Variants in PCDH9 observed in about 807,000 individuals in gnomAD.
The protein encoded by PCDH9 is protocadherin 9, also known as protocadherin-9.
A neutral mutation model predicts 70.6 loss-of-function variants in PCDH9; 24 were observed. That is an observed-to-expected ratio of 0.34 (90% CI 0.25 to 0.48). PCDH9 has a LOEUF of 0.48. PCDH9 is among the 20% of genes least tolerant of loss of function. The pLI is 0.99. For synonymous variants in PCDH9, 562 were observed against 558.5 expected, an observed-to-expected ratio of 1.01 and a Z score of -0.09; for missense variants, 1,281 against 1,503.6, an observed-to-expected ratio of 0.85 and a Z score of 2.45.
chr13:66,682,818 A>C (rs1160851868), intron 3 of PCDH9, among the ~76,000 whole-genome samples: 1 of 152,114 alleles, frequency 6.6e-6, no homozygotes, highest in Non-Finnish European at 1.5e-5. Flanking sequence ...AAGCTTTGAA[A>C]GCTATTGGTG....
intron 4 of PCDH9, among the ~76,000 whole-genome samples, chr13:66,449,206 G>T (rs1958157459): frequency 6.6e-6 from 1 of 152,092 alleles, no homozygotes; most frequent in Non-Finnish European, 1.5e-5. Flanking sequence ...ACTAGTATTT[G>T]AACATGTAGC....
In PCDH9 at chr13:66,927,997, T is replaced by C. The variant is rs566193511; in HGVS notation, c.3037-24392A>G. 1.7e-3 allele frequency among the ~76,000 whole-genome samples: 263 copies of C among 152,238 alleles called. 1 individual carries two copies. The highest frequency in any genetic ancestry group is 6.8e-3 in the Middle Eastern group (2 of 294). The stretch of plus-strand genomic sequence containing the variant: ...TAATTTGAGGTCCTATTTGAACTCA[T>C]ATCCCTCTCTCTGCACCCCTGCCAC... On this transcript the variant is annotated intron_variant, in intron 2 of 4. Transcript: ENST00000377865.
chr13:66,641,795 CTG>C (rs919032800), intron 3 of PCDH9, among the ~76,000 whole-genome samples: 2 of 152,054 alleles, frequency 1.3e-5, no homozygotes, highest in African/African-American at 2.4e-5. Context: ...CAATGCAAAA[CTG>C]TGTCTGTATT....
intron 2 of PCDH9, among the ~76,000 whole-genome samples, chr13:67,007,372 A>G (rs1318138808): frequency 6.6e-6 from 1 of 152,202 alleles, no homozygotes; most frequent in Non-Finnish European, 1.5e-5. Flanking sequence ...TAATACATTT[A>G]TGTATGAGTA....
rs183972985 is a variant in PCDH9, at chr13:66,414,946, A to G, written c.3341-109918T>C. Among the ~76,000 whole-genome samples, 50 of 152,258 alleles carry G rather than the reference A, an allele frequency of 3.3e-4. No individual in the cohort carries two copies. In the East Asian group the frequency reaches 9.1e-3, roughly 28 times the overall value. Reference sequence around the variant, plus strand: ...CAAAAAGAAACATCTGAAAGCGTAAAAATAATGTACTGTTAAAATAACTAC... The same window carrying G: ...CAAAAAGAAACATCTGAAAGCGTAAGAATAATGTACTGTTAAAATAACTAC... On this transcript the variant is annotated intron_variant, in intron 4 of 4. Transcript: ENST00000377865.
At chr13:66,627,656 G>A (rs1375164784) in intron 4 of PCDH9, among the ~76,000 whole-genome samples, 4 of 152,076 alleles carry the variant, frequency 2.6e-5, no homozygotes, top group Non-Finnish European at 5.9e-5. Context: ...CACAACCTAA[G>A]AGCCCTGCTC....
rs1338501334 is a variant in PCDH9 at position 67,027,787 on chromosome 13, A to T, written c.3037-124182T>A. Among the ~76,000 whole-genome samples the T allele has an allele frequency of 4.0e-5, 6 of 150,456 alleles. No homozygotes were observed. In the South Asian group the frequency reaches 1.3e-3, roughly 32 times the overall value. ...ATGAACAGACACTTCTCAAAAGAAG[A>T]CATTTATGCAGCCAAAAGACACATG... On this transcript the variant is annotated intron_variant, in intron 2 of 4. Transcript: ENST00000377865.
At chr13:66,609,613 C>G (rs2077265750) in intron 4 of PCDH9, among the ~76,000 whole-genome samples, 1 of 151,948 alleles carries the variant, frequency 6.6e-6, no homozygotes, top group Non-Finnish European at 1.5e-5. Flanking sequence ...GAATAACTGT[C>G]TGTTTTCAGA....
At chr13:66,653,816 A>C (rs1188592470) in intron 3 of PCDH9, among the ~76,000 whole-genome samples, 3 of 151,894 alleles carry the variant, frequency 2.0e-5, no homozygotes, top group African/African-American at 7.3e-5. Flanking sequence ...AAATACAAAA[A>C]AATTAGCTAG....
chr13:66,799,233 T>G (rs2080290396), intron 3 of PCDH9, among the ~76,000 whole-genome samples: 1 of 152,174 alleles, frequency 6.6e-6, no homozygotes, highest in Non-Finnish European at 1.5e-5. Flanking sequence ...TGCTTTTTGC[T>G]AAGTTGGAAA....
chr13:66,352,406 A>G (rs970368842), intron 4 of PCDH9, among the ~76,000 whole-genome samples: 1 of 152,146 alleles, frequency 6.6e-6, no homozygotes, highest in African/African-American at 2.4e-5. Context: ...AGTGGCTTAA[A>G]CAACAGAAAT....
At chr13:66,412,321 C>T (rs555818108) in intron 4 of PCDH9, among the ~76,000 whole-genome samples, 1 of 152,224 alleles carries the variant, frequency 6.6e-6, no homozygotes, top group Non-Finnish European at 1.5e-5. Context: ...CCCACCACAT[C>T]CAGCTGATTA....
intron 4 of PCDH9, among the ~76,000 whole-genome samples, chr13:66,446,691 A>G (rs927981206): frequency 6.6e-6 from 1 of 152,062 alleles, no homozygotes; most frequent in Admixed American, 6.6e-5. Flanking sequence ...TTCATATTAC[A>G]TGAAAGAATG....
At chr13:67,222,173 T>G (rs954977856) in intron 2 of PCDH9, 4 of 151,594 alleles carry the variant, frequency 2.6e-5, no homozygotes, top group African/African-American at 9.7e-5. Flanking sequence ...ATTTTATCAT[T>G]TAAAGCCTTG....
At chr13:67,140,217 T>A (rs2087347458) in intron 2 of PCDH9, among the ~76,000 whole-genome samples, 1 of 152,158 alleles carries the variant, frequency 6.6e-6, no homozygotes. Context: ...TCATACAAAG[T>A]GTCTGGCTCA....
chr13:66,434,688 T>C (rs1056912895), intron 4 of PCDH9, among the ~76,000 whole-genome samples: 2 of 152,056 alleles, frequency 1.3e-5, no homozygotes, highest in African/African-American at 2.4e-5. Context: ...GCAGCACACA[T>C]ATAAGCTGAA....
At chr13:66,816,763 T>C (rs990539075) in intron 3 of PCDH9, among the ~76,000 whole-genome samples, 1 of 151,916 alleles carries the variant, frequency 6.6e-6, no homozygotes, top group Non-Finnish European at 1.5e-5. Flanking sequence ...CTACTAAAAA[T>C]ACAAAAAGTA....
intron 2 of PCDH9, among the ~76,000 whole-genome samples, chr13:67,158,507 G>T (rs997985778): frequency 5.3e-5 from 8 of 152,126 alleles, no homozygotes; most frequent in Non-Finnish European, 1.0e-4. Context: ...TGAGGGCAGG[G>T]CCCTCATGAG....
At chr13:66,677,239 G>A (rs564439063) in intron 3 of PCDH9, among the ~76,000 whole-genome samples, 2 of 151,996 alleles carry the variant, frequency 1.3e-5, no homozygotes, top group Admixed American at 6.6e-5. Context: ...TTTCATTTTA[G>A]GTATTTTAAA....
Sources: allele counts gnomAD v4.1 joint callset (sites outside exome capture counted in the v4.1 genomes callset), GRCh38; gene constraint gnomAD v4.1.1; transcripts MANE v1.5; gene names NCBI Gene and HGNC (gene_info 2026-07-23, HGNC 2026-07-21).